The following GRIN2B variants were observed in gnomAD, a reference collection of about 807,000 sequenced individuals.
GRIN2B encodes glutamate receptor ionotropic, NMDA 2B.
In GRIN2B, 5 loss-of-function variants were observed where a neutral mutation model predicts 114.5. The observed-to-expected ratio is 0.04, with a 90% confidence interval of 0.02 to 0.09. GRIN2B has a LOEUF of 0.09. Among genes scored for constraint, GRIN2B ranks in the 10% least tolerant of loss-of-function variants. The pLI is 1.00. For missense variants in GRIN2B, 1,108 were observed against 1,943.5 expected (o/e 0.57, Z 8.08); for synonymous variants, 787 against 745.1 (o/e 1.06, Z -0.92).
At chr12:13,680,583 T>C (rs1404969666) in intron 4 of GRIN2B, among the ~76,000 whole-genome samples, 2 of 152,044 alleles carry the variant, frequency 1.3e-5, no homozygotes, top group East Asian at 1.9e-4. Flanking sequence ...GAATCTCACA[T>C]TGCTAAAACT....
rs1482150457 is a variant in GRIN2B at position 13,562,895 on chromosome 12, A to G, written c.4343T>C (p.Ile1448Thr). The G allele has an allele frequency of 6.2e-7, 1 of 1,614,162 alleles. No homozygotes were observed. The highest frequency in any genetic ancestry group is 1.1e-5 in the South Asian group (1 of 91,080). ...VPARFQKDIC[I>T]GNQSNPCVPN... The stretch of plus-strand genomic sequence containing the variant: ...CACACAGGGGTTGGACTGGTTCCCT[A>G]TACAGATGTCCTTCTGGAAACGGGC... Residue 1448 changes from isoleucine to threonine, a missense_variant, in exon 14 of 14, where the codon ATA becomes ACA. Physicochemically the swap from Ile to Thr is moderately conservative, Grantham distance 89. Coordinates refer to ENST00000609686, the MANE Select transcript of GRIN2B (RefSeq NM_000834.5).
chr12:13,822,892 A>G (rs1247609224), intron 3 of GRIN2B, among the ~76,000 whole-genome samples: 1 of 152,120 alleles, frequency 6.6e-6, no homozygotes, highest in Non-Finnish European at 1.5e-5. Flanking sequence ...GTTGAGGATC[A>G]TTTTATTCCA....
chr12:13,830,469 T>C (rs1413873016), intron 3 of GRIN2B, among the ~76,000 whole-genome samples: 1 of 152,188 alleles, frequency 6.6e-6, no homozygotes, highest in East Asian at 1.9e-4. Flanking sequence ...AGAGAAACTA[T>C]AGCAAACATA....
At chr12:13,595,189 CTGAA>C (rs1949056759) in intron 10 of GRIN2B, among the ~76,000 whole-genome samples, 1 of 152,144 alleles carries the variant, frequency 6.6e-6, no homozygotes, top group Admixed American at 6.5e-5. Flanking sequence ...AGAGCAGGTC[CTGAA>C]TGAATGAATG....
rs556909469 is a variant in GRIN2B at position 13,930,924 on chromosome 12, T to C, written c.-19+49004A>G. Among the ~76,000 whole-genome samples, 6 of 152,296 alleles carry C rather than the reference T, an allele frequency of 3.9e-5. No homozygotes were observed. In the East Asian group the frequency reaches 7.7e-4, roughly 20 times the overall value. On this transcript the variant is annotated intron_variant, in intron 2 of 13. Coordinates refer to ENST00000609686, the MANE Select transcript of GRIN2B (RefSeq NM_000834.5). ...TCAAGATTTAAAGCTTAGATGATAA[T>C]ATCAATCAGAAGTTCAATGTGATTG...
intron 5 of GRIN2B, among the ~76,000 whole-genome samples, chr12:13,647,573 C>A (rs1256254072): frequency 6.6e-6 from 1 of 152,054 alleles, no homozygotes; most frequent in African/African-American, 2.4e-5. Flanking sequence ...TAGTCTGTTC[C>A]TCTCCCCATG....
chr12:13,749,242 G>C (rs1291840105), intron 4 of GRIN2B, among the ~76,000 whole-genome samples: 1 of 152,198 alleles, frequency 6.6e-6, no homozygotes, highest in Non-Finnish European at 1.5e-5. Flanking sequence ...TTGGGATTCA[G>C]GTATATCATA....
rs541691083 is a variant in GRIN2B, at chr12:13,773,501, T to C, written c.412-19586A>G. 1.1e-4 allele frequency among the ~76,000 whole-genome samples: 17 copies of C among 152,330 alleles called. No individual in the cohort carries two copies. In the East Asian group the frequency reaches 3.1e-3, roughly 28 times the overall value. ...AATCACCTTGGAACAGAAGTCTACA[T>C]CTTCCCAAAAGTGCTCAAAGGCAAG... On this transcript the variant is annotated intron_variant, in intron 3 of 13. Transcript: ENST00000609686.
At chr12:13,778,454 A>G (rs978998061) in intron 3 of GRIN2B, among the ~76,000 whole-genome samples, 1 of 152,214 alleles carries the variant, frequency 6.6e-6, no homozygotes, top group Non-Finnish European at 1.5e-5. Context: ...ACCAGAACAG[A>G]AGCCAGCCTT....
At chr12:13,586,984 C>G (rs765331211) in intron 10 of GRIN2B, among the ~76,000 whole-genome samples, 1 of 152,096 alleles carries the variant, frequency 6.6e-6, no homozygotes, top group Non-Finnish European at 1.5e-5. Context: ...ATGTACGAGA[C>G]CCTATTTTAA....
rs73309906 is a variant in GRIN2B at position 13,900,613 on chromosome 12, T to C, written c.-18-34387A>G. ...TGTGTGCCCTTCCCATATTATAACC[T>C]TCTCCCTCACCAGTGCAGGAAACCC... On this transcript the variant is annotated intron_variant, in intron 2 of 13. Transcript: ENST00000609686. Among the ~76,000 whole-genome samples, 1,073 of 152,290 alleles carry C rather than the reference T, an allele frequency of 7.0e-3. 20 individuals are homozygous for C. Among genetic ancestry groups the C allele is most frequent in the African/African-American group, 0.024 (1,012 of 41,560 alleles).
intron 10 of GRIN2B, among the ~76,000 whole-genome samples, chr12:13,585,480 G>C (rs1310916936): frequency 6.6e-6 from 1 of 152,118 alleles, no homozygotes; most frequent in Non-Finnish European, 1.5e-5. Context: ...CCTATGCGAG[G>C]GACACTCCGG....
intron 4 of GRIN2B, among the ~76,000 whole-genome samples, chr12:13,730,054 AC>A (rs1863060234): frequency 6.7e-6 from 1 of 149,546 alleles, no homozygotes; most frequent in African/African-American, 2.5e-5. Flanking sequence ...AGACTGAGAG[AC>A]TCAGATAATT....
At chr12:13,735,149 GA>G in intron 4 of GRIN2B, among the ~76,000 whole-genome samples, 1 of 152,268 alleles carries the variant, frequency 6.6e-6, no homozygotes, top group Middle Eastern at 3.4e-3. Context: ...TTCTGCTCTA[GA>G]TATCCAATTC....
rs1948254231 is a variant in GRIN2B, at chr12:13,539,768, T to G, written c.*23015A>C. On this transcript the variant is annotated 3_prime_UTR_variant, in exon 14 of 14. Coordinates refer to ENST00000609686, the MANE Select transcript of GRIN2B (RefSeq NM_000834.5). Reference sequence around the variant, plus strand: ...AAGTTAGAAAGCAAATCTTTAGATTTAAAATACATTTGAGAAATAGCAACT... The same window carrying G: ...AAGTTAGAAAGCAAATCTTTAGATTGAAAATACATTTGAGAAATAGCAACT... 6.6e-6 allele frequency: 1 copy of G among 152,190 alleles called. No homozygotes were observed. The highest frequency in any genetic ancestry group is 6.5e-5 in the Admixed American group (1 of 15,274). 9.4% of individuals were successfully genotyped at this position (152,190 alleles called of 1,614,324 possible). A position where few individuals can be genotyped will look rare whatever the true frequency, so the allele number is the denominator to read the frequency against.
At chr12:13,645,592 A>G (rs1949753769) in intron 5 of GRIN2B, among the ~76,000 whole-genome samples, 1 of 152,104 alleles carries the variant, frequency 6.6e-6, no homozygotes, top group East Asian at 1.9e-4. Flanking sequence ...GAGGTGCAAT[A>G]AAGTGAAGCA....
chr12:13,859,940 G>A (rs1865727030), intron 3 of GRIN2B, among the ~76,000 whole-genome samples: 1 of 152,060 alleles, frequency 6.6e-6, no homozygotes, highest in African/African-American at 2.4e-5. Flanking sequence ...AAAGTATTCT[G>A]TCCCGAGGAA....
At chr12:13,827,979 C>T (rs985149899) in intron 3 of GRIN2B, among the ~76,000 whole-genome samples, 1 of 152,194 alleles carries the variant, frequency 6.6e-6, no homozygotes, top group South Asian at 2.1e-4. Flanking sequence ...CGCACCCAGC[C>T]TATAATAGGT....
intron 10 of GRIN2B, among the ~76,000 whole-genome samples, chr12:13,578,918 G>A (rs557465092): frequency 6.6e-6 from 1 of 152,176 alleles, no homozygotes; most frequent in African/African-American, 2.4e-5. Flanking sequence ...TCAGGAAACA[G>A]CAAATGCAAA....
Sources: allele counts gnomAD v4.1 joint callset (sites outside exome capture counted in the v4.1 genomes callset), GRCh38; gene constraint gnomAD v4.1.1; transcripts MANE v1.5; gene names NCBI Gene and HGNC (gene_info 2026-07-23, HGNC 2026-07-21).